Variants in TRAPPC6B observed in about 807,000 individuals in gnomAD.
TRAPPC6B encodes the protein TRAPP complex subunit 6B.
Under a neutral mutation model 24.7 loss-of-function variants are expected in TRAPPC6B, and 27 were observed. The ratio of observed to expected loss-of-function variants is 1.09; its 90% CI spans 0.81 to 1.51. The LOEUF is 1.51. TRAPPC6B is among the 40% of genes most tolerant of loss of function. The pLI, the probability that TRAPPC6B is intolerant of heterozygous loss-of-function variation, is 0.00. For synonymous variants in TRAPPC6B, 80 were observed against 66.6 expected, an observed-to-expected ratio of 1.20 and a Z score of -0.98; for missense variants, 212 against 190.8, an observed-to-expected ratio of 1.11 and a Z score of -0.66.
At chr14:39,159,287 T>C (rs2053025584) in intron 2 of TRAPPC6B, 196 bp downstream of exon 2, 1 of 302,266 alleles carries the variant, frequency 3.3e-6, no homozygotes, top group South Asian at 1.5e-4. Context: ...ATATATTTTC[T>C]TTAAACATTA....
At chr14:39,163,373 GA>G (rs796850720) in intron 1 of TRAPPC6B, among the ~76,000 whole-genome samples, 27,790 of 97,586 alleles carry the variant, frequency 0.28, 3,629 homozygotes, top group Middle Eastern at 0.42. Context: ...TTCATCACCA[GA>G]AAAAAAAAAA....
rs1478569201 is a variant in TRAPPC6B at position 39,158,371 on chromosome 14, C to G, written c.181G>C (p.Glu61Gln). 6.3e-7 allele frequency: 1 copy of G among 1,599,936 alleles called. No individual in the cohort carries two copies. Among genetic ancestry groups the G allele is most frequent in the Non-Finnish European group, 8.5e-7 (1 of 1,176,224 alleles). The change falls in exon 3 of 6, where the codon GAG becomes CAG. Residue 61 changes from glutamate to glutamine, a missense_variant. By Grantham distance (29) the Glu-to-Gln change is conservative (BLOSUM62 2). Transcript: ENST00000330149. ...FTKDTARFKDELDIMKFICKD... is the reference protein window; with the variant it reads ...FTKDTARFKDQLDIMKFICKD... The stretch of plus-strand genomic sequence containing the variant: ...CAAATGAACTTCATGATATCTAACT[C>G]ATCCTTGAACCTTGCAGTATCTTTT...
Position 39,150,271 on chromosome 14 carries a change from T to C in TRAPPC6B, c.*79A>G. 1.6e-6 allele frequency: 2 copies of C among 1,213,692 alleles called. No individual in the cohort carries two copies. The highest frequency in any genetic ancestry group is 2.3e-6 in the Non-Finnish European group (2 of 854,376). The allele number at this position is 1,213,692 out of a possible 1,614,324, so 75.2% of individuals were successfully genotyped here. A position where few individuals can be genotyped will look rare whatever the true frequency, so the allele number is the denominator to read the frequency against. On this transcript the variant is annotated 3_prime_UTR_variant, in exon 6 of 6. Transcript: ENST00000330149. Reference sequence around the variant, plus strand: ...CTGTACAAACATCGAACAATGTAATTAAATCATCACTACTTGAAATACTTT... The same window carrying C: ...CTGTACAAACATCGAACAATGTAATCAAATCATCACTACTTGAAATACTTT...
intron 3 of TRAPPC6B, 52 bp downstream of exon 3, chr14:39,158,233 T>C (rs2053008549): frequency 7.1e-6 from 7 of 985,918 alleles, no homozygotes; most frequent in Non-Finnish European, 1.1e-5. Context: ...AAATACGATA[T>C]TTATATCAAG....
At chr14:39,159,172 C>T (rs7145653) in intron 2 of TRAPPC6B, 4,639 of 169,424 alleles carry the variant, frequency 0.027, 235 homozygotes, top group African/African-American at 0.1. Context: ...AAGAACCTAG[C>T]AGATCTTAAG....
In TRAPPC6B at chr14:39,150,353, C is replaced by G. The variant is rs74683746; in HGVS notation, c.474G>C (p.Leu158=). ...AAGCCTTGCATTTCAGTATGTTCTA[C>G]AGCTTCTGTATCATCACCTGAAATT... ...ACKFQVMIQK[L] The change falls in exon 6 of 6, where the codon CTG becomes CTC. Residue 158 remains leucine, a synonymous_variant. Transcript: ENST00000330149. 1,214 of 1,584,124 alleles carry G rather than the reference C, an allele frequency of 7.7e-4. 14 individuals carry two copies. The African/African-American group carries it at 0.015, about 20-fold the overall frequency.
At chr14:39,156,385 T>C (rs1463104794) in intron 3 of TRAPPC6B, among the ~76,000 whole-genome samples, 1 of 152,214 alleles carries the variant, frequency 6.6e-6, no homozygotes, top group East Asian at 1.9e-4. Context: ...ATTTTTTACT[T>C]AATCAAAATT....
rs1419923481 is a variant in TRAPPC6B, at chr14:39,149,828, A to G, written c.*522T>C. The stretch of plus-strand genomic sequence containing the variant: ...AAATTTATAAACAATTTAGGCAGTC[A>G]TATATGTATTTATATATACACACAT... On this transcript the variant is annotated 3_prime_UTR_variant, in exon 6 of 6. Transcript: ENST00000330149. 1 of 152,246 alleles carries G rather than the reference A, an allele frequency of 6.6e-6. No homozygotes were observed. The highest frequency in any genetic ancestry group is 2.4e-5 in the African/African-American group (1 of 41,462). The allele number at this position is 152,246 out of a possible 1,614,324, so 9.4% of individuals were successfully genotyped here.
chr14:39,170,180 C>T lies in TRAPPC6B; in HGVS notation c.-85G>A. 7.4e-7 allele frequency: 1 copy of T among 1,347,874 alleles called. No homozygotes were observed. Among genetic ancestry groups the T allele is most frequent in the South Asian group, 1.2e-5 (1 of 82,812 alleles). The allele number at this position is 1,347,874 out of a possible 1,614,324, so 83.5% of individuals were successfully genotyped here. On this transcript the variant is annotated 5_prime_UTR_variant, in exon 1 of 6. Coordinates refer to ENST00000330149, the MANE Select transcript of TRAPPC6B (RefSeq NM_001079537.2). ...CCAGCTCGCGCCTCAGCGACTTCGC[C>T]GGCGCCGCGGCTCCGTCAGGCCGCC...
At chr14:39,161,713 A>ACCAGGTACACTTCACTAGCCT (rs755470706) in intron 1 of TRAPPC6B, among the ~76,000 whole-genome samples, 1 of 152,054 alleles carries the variant, frequency 6.6e-6, no homozygotes, top group African/African-American at 2.4e-5. Context: ...AAACCAACCC[A>ACCAGGTACACTTCACTAGCCT]CCAGGTACAC....
chr14:39,162,176 T>G (rs1307862637), intron 1 of TRAPPC6B, among the ~76,000 whole-genome samples: 2 of 152,176 alleles, frequency 1.3e-5, no homozygotes, highest in Non-Finnish European at 2.9e-5. Context: ...ATTTACTTAT[T>G]TATTTGACAA....
In TRAPPC6B at chr14:39,158,366, T is replaced by C. The variant is rs1188981339; in HGVS notation, c.186A>G (p.Leu62=). 6.2e-7 allele frequency: 1 copy of C among 1,603,668 alleles called. No individual in the cohort carries two copies. Among genetic ancestry groups the C allele is most frequent in the African/African-American group, 1.3e-5 (1 of 74,390 alleles). ...CTTTACAAATGAACTTCATGATATC[T>C]AACTCATCCTTGAACCTTGCAGTAT... The part of the protein sequence containing the change: ...TKDTARFKDE[L]DIMKFICKDF... The change falls in exon 3 of 6, where the codon TTA becomes TTG. Residue 62 remains leucine (L), a synonymous_variant. Transcript: ENST00000330149.
Position 39,149,042 on chromosome 14 carries a change from G to T in TRAPPC6B, c.*1308C>A, listed in dbSNP as rs564772386. ...TTATGGAACCACTGCCATATATGAGGTCTGTCACTGACTGAAACATCATTA... is the reference window on the plus strand; with the variant it reads ...TTATGGAACCACTGCCATATATGAGTTCTGTCACTGACTGAAACATCATTA... On this transcript the variant is annotated 3_prime_UTR_variant, in exon 6 of 6. Coordinates refer to ENST00000330149, the MANE Select transcript of TRAPPC6B (RefSeq NM_001079537.2). 2 of 313,208 alleles carry T rather than the reference G, an allele frequency of 6.4e-6. No individual in the cohort carries two copies. Among genetic ancestry groups the T allele is most frequent in the African/African-American group, 4.2e-5 (2 of 47,106 alleles). The allele number at this position is 313,208 out of a possible 1,614,324, so 19.4% of individuals were successfully genotyped here.
rs1488161279 is a variant in TRAPPC6B, at chr14:39,158,393, T to G, written c.159A>C (p.Lys53Asn). ...ACTCATCCTTGAACCTTGCAGTATC[T>G]TTTGTAAACCTAAAAAGATCAACTA... Reference protein sequence around the residue: ...VGQGLIERFTKDTARFKDELD... With the variant: ...VGQGLIERFTNDTARFKDELD... The change falls in exon 3 of 6, where the codon AAA becomes AAC. Residue 53 changes from lysine (K) to asparagine (N), a missense_variant. Coordinates refer to ENST00000330149, the MANE Select transcript of TRAPPC6B (RefSeq NM_001079537.2). The G allele has an allele frequency of 6.3e-7, 1 of 1,576,852 alleles. No homozygotes were observed. The highest frequency in any genetic ancestry group is 1.4e-5 in the African/African-American group (1 of 73,166).
chr14:39,165,062 T>C (rs74856009), intron 1 of TRAPPC6B, among the ~76,000 whole-genome samples: 1 of 151,790 alleles, frequency 6.6e-6, no homozygotes, highest in Admixed American at 6.6e-5. Context: ...TTTTTTTTTT[T>C]TGAGACGGAG....
chr14:39,166,315 C>T (rs1049740139), intron 1 of TRAPPC6B, among the ~76,000 whole-genome samples: 1 of 151,634 alleles, frequency 6.6e-6, no homozygotes, highest in African/African-American at 2.4e-5. Context: ...AATCATGATG[C>T]TCTTTTTGGA....
At chr14:39,154,418 A>C in intron 3 of TRAPPC6B, 124 bp from the exon 4 acceptor site, 1 of 640,842 alleles carries the variant, frequency 1.6e-6, no homozygotes, top group Non-Finnish European at 2.6e-6. Flanking sequence ...CCATTGGCCA[A>C]GTTTTCTTTT....
At position 39,150,208 on chromosome 14, in the gene TRAPPC6B, T is replaced by C. The variant is rs943880944; in HGVS notation, c.*142A>G. The C allele has an allele frequency of 3.6e-5, 26 of 714,618 alleles. No homozygotes were observed. The highest frequency in any genetic ancestry group is 3.1e-4 in the Middle Eastern group (1 of 3,238). 44.3% of individuals were successfully genotyped at this position (714,618 alleles called of 1,614,324 possible). A position where few individuals can be genotyped will look rare whatever the true frequency, so the allele number is the denominator to read the frequency against. On this transcript the variant is annotated 3_prime_UTR_variant, in exon 6 of 6. Transcript: ENST00000330149. ...ATGGCAGAATGTCCCTTCATCTCCT[T>C]TGATCTGTGTTAAATTGATAAAAAT... is the stretch of plus-strand genomic sequence containing the variant.
chr14:39,162,076 T>C (rs2053065611), intron 1 of TRAPPC6B, among the ~76,000 whole-genome samples: 1 of 152,202 alleles, frequency 6.6e-6, no homozygotes, highest in South Asian at 2.1e-4. Flanking sequence ...AGGTCACTTC[T>C]TCAATCGCCA....
Sources: gnomAD v4.1 joint callset for allele counts (sites outside exome capture counted in the v4.1 genomes callset) on GRCh38, gnomAD v4.1.1 for gene constraint, MANE v1.5 for transcripts, NCBI Gene and HGNC (gene_info 2026-07-23, HGNC 2026-07-21) for gene names.